PCDH9: variants seen among roughly 807,000 people sequenced by gnomAD.
The protein encoded by PCDH9 is protocadherin-9.
PCDH9 carries 24 observed loss-of-function variants against 70.6 expected under a neutral mutation model. The ratio of observed to expected loss-of-function variants is 0.34; its 90% CI spans 0.25 to 0.48. The LOEUF (loss-of-function observed/expected upper bound fraction) is 0.48, where lower values mean the gene tolerates loss of function less well. Among genes scored for constraint, PCDH9 ranks in the 20% least tolerant of loss-of-function variants. The probability of loss-of-function intolerance (pLI) is 0.99; values close to 1 mark genes in which losing one functional copy is unlikely to be tolerated. For missense variants in PCDH9, 1,281 were observed against 1,503.6 expected, an observed-to-expected ratio of 0.85 and a Z score of 2.45; for synonymous variants, 562 against 558.5, an observed-to-expected ratio of 1.01 and a Z score of -0.09.
At chr13:66,495,499 G>T (rs1959100925) in intron 4 of PCDH9, among the ~76,000 whole-genome samples, 1 of 152,166 alleles carries the variant, frequency 6.6e-6, no homozygotes, top group South Asian at 2.1e-4. Context: ...GGTCAAGGTG[G>T]ACACTGAGAT....
At chr13:66,775,246 T>A (rs2079872239) in intron 3 of PCDH9, among the ~76,000 whole-genome samples, 1 of 152,208 alleles carries the variant, frequency 6.6e-6, no homozygotes, top group Non-Finnish European at 1.5e-5. Flanking sequence ...CACTTCACAT[T>A]TTCCATACGC....
At chr13:66,874,235 T>C (rs1282705325) in intron 3 of PCDH9, among the ~76,000 whole-genome samples, 2 of 152,348 alleles carry the variant, frequency 1.3e-5, no homozygotes, top group East Asian at 1.9e-4. Context: ...TGGATTATAA[T>C]AGATTATGAC....
intron 2 of PCDH9, among the ~76,000 whole-genome samples, chr13:67,030,499 C>T (rs965132006): frequency 6.6e-6 from 1 of 151,870 alleles, no homozygotes; most frequent in African/African-American, 2.4e-5. Flanking sequence ...CGACCCCCAC[C>T]AACACACACA....
chr13:66,491,615 G>T (rs950656567), intron 4 of PCDH9, among the ~76,000 whole-genome samples: 1 of 151,994 alleles, frequency 6.6e-6, no homozygotes, highest in Non-Finnish European at 1.5e-5. Flanking sequence ...AATTGTTTGG[G>T]TAATACTTAA....
chr13:66,631,350 C>T lies in PCDH9; in HGVS notation c.3200G>A (p.Gly1067Asp). The T allele has an allele frequency of 6.2e-7, 1 of 1,611,716 alleles. No individual in the cohort carries two copies. ...DGSQESCSDS[G>D]LGDHEPVGSG... ...ACCCACCGGCTCATGGTCTCCTAGA[C>T]CACTGTCACTGCAGCTTTCCTGGGA... Residue 1067 changes from glycine (G) to aspartate (D), a missense_variant, in exon 4 of 5, where the codon GGT (glycine) becomes GAT (aspartate). Physicochemically the swap from Gly to Asp is moderately conservative, Grantham distance 94. This residue lies in a region of PCDH9 where 264 missense variants were observed against 278.8 expected (regional missense o/e 0.95). Coordinates refer to ENST00000377865, the MANE Select transcript of PCDH9 (RefSeq NM_203487.3).
chr13:66,809,092 C>T lies in PCDH9; in HGVS notation c.3138+94412G>A, dbSNP rs957813049. ...CCTCCTGAGTAGCTGGGACTACAGG[C>T]CCCCGCCACCACGCTCGACTAATTT... On this transcript the variant is annotated intron_variant, in intron 3 of 4. Coordinates refer to ENST00000377865, the MANE Select transcript of PCDH9 (RefSeq NM_203487.3). Among the ~76,000 whole-genome samples, 9 of 152,236 alleles carry T rather than the reference C, an allele frequency of 5.9e-5. No individual in the cohort carries two copies. The East Asian group carries it at 1.7e-3, about 29-fold the overall frequency.
At chr13:67,218,532 CAG>C (rs1397180089) in intron 2 of PCDH9, 1 of 151,952 alleles carries the variant, frequency 6.6e-6, no homozygotes, top group East Asian at 1.9e-4. Context: ...GAAAAAGGCC[CAG>C]AGAGTGGTTA....
intron 3 of PCDH9, among the ~76,000 whole-genome samples, chr13:66,769,542 T>C (rs1357462950): frequency 6.6e-6 from 1 of 151,898 alleles, no homozygotes; most frequent in East Asian, 1.9e-4. Flanking sequence ...CATAACAGTG[T>C]GGTTACAATT....
chr13:66,948,980 G>T (rs1273554864), intron 2 of PCDH9, among the ~76,000 whole-genome samples: 1 of 151,866 alleles, frequency 6.6e-6, no homozygotes, highest in Non-Finnish European at 1.5e-5. Flanking sequence ...ATTTAATCTA[G>T]CATACATGCT....
intron 3 of PCDH9, among the ~76,000 whole-genome samples, chr13:66,860,105 G>T (rs1331588564): frequency 6.6e-6 from 1 of 152,146 alleles, no homozygotes. Flanking sequence ...AGTCAAGGAC[G>T]CCAGAGCAAA....
intron 3 of PCDH9, among the ~76,000 whole-genome samples, chr13:66,844,288 T>C (rs1364495134): frequency 1.3e-5 from 2 of 152,040 alleles, no homozygotes; most frequent in Admixed American, 6.6e-5. Context: ...ACAAACGGCA[T>C]GAAAGTCCCT....
At chr13:66,528,257 G>A (rs1194664906) in intron 4 of PCDH9, among the ~76,000 whole-genome samples, 1 of 152,060 alleles carries the variant, frequency 6.6e-6, no homozygotes, top group Non-Finnish European at 1.5e-5. Flanking sequence ...ATTATATGGG[G>A]CAATGAAAAC....
chr13:66,688,457 A>G (rs1239176775), intron 3 of PCDH9, among the ~76,000 whole-genome samples: 4 of 152,174 alleles, frequency 2.6e-5, no homozygotes, highest in Non-Finnish European at 5.9e-5. Context: ...ATTTTTAAAG[A>G]AAACTTAATT....
At chr13:66,552,942 G>A (rs868554430) in intron 4 of PCDH9, among the ~76,000 whole-genome samples, 11 of 152,024 alleles carry the variant, frequency 7.2e-5, no homozygotes, top group East Asian at 5.8e-4. Context: ...ACATGGTGGC[G>A]GGAGAGAGAA....
chr13:66,806,008 A>G (rs553347452), intron 3 of PCDH9, among the ~76,000 whole-genome samples: 1 of 150,792 alleles, frequency 6.6e-6, no homozygotes, highest in African/African-American at 2.5e-5. Flanking sequence ...TGCAAACAGC[A>G]TGACTTTTAT....
At chr13:67,086,959 G>A (rs574720772) in intron 2 of PCDH9, among the ~76,000 whole-genome samples, 1 of 151,884 alleles carries the variant, frequency 6.6e-6, no homozygotes, top group Non-Finnish European at 1.5e-5. Flanking sequence ...AGATTTTTTT[G>A]CAGAGAATAA....
At chr13:66,753,758 A>C (rs1345528192) in intron 3 of PCDH9, among the ~76,000 whole-genome samples, 1 of 152,188 alleles carries the variant, frequency 6.6e-6, no homozygotes, top group Non-Finnish European at 1.5e-5. Context: ...CTGCTAAATC[A>C]TTCTAAAGAA....
chr13:66,398,345 C>T (rs1957138226), intron 4 of PCDH9, among the ~76,000 whole-genome samples: 1 of 151,982 alleles, frequency 6.6e-6, no homozygotes, highest in Non-Finnish European at 1.5e-5. Flanking sequence ...CTATTGGAAT[C>T]GTTAAGACTT....
At chr13:66,880,904 C>G (rs1325899201) in intron 3 of PCDH9, among the ~76,000 whole-genome samples, 4 of 152,180 alleles carry the variant, frequency 2.6e-5, no homozygotes, top group Non-Finnish European at 5.9e-5. Flanking sequence ...ATTGCAGGTT[C>G]TACAGTCACA....
Sources: allele counts gnomAD v4.1 joint callset (sites outside exome capture counted in the v4.1 genomes callset), GRCh38; gene constraint gnomAD v4.1.1; regional missense constraint gnomAD v4.1.1; transcripts MANE v1.5; gene names NCBI Gene and HGNC (gene_info 2026-07-23, HGNC 2026-07-21).